CEP95: variants seen among roughly 807,000 people sequenced by gnomAD.
The protein encoded by CEP95 is centrosomal protein 95.
Under a neutral mutation model 111.2 loss-of-function variants are expected in CEP95, and 98 were observed. That is an observed-to-expected ratio of 0.88 (90% CI 0.75 to 1.04). CEP95 has a LOEUF of 1.04. Ranked by LOEUF, CEP95 falls within the 50% of genes least tolerant of loss-of-function variation. CEP95 has a pLI of 0.00. For missense variants in CEP95, 1,027 were observed against 977.2 expected, an observed-to-expected ratio of 1.05 and a Z score of -0.68; for synonymous variants, 323 against 327.1, an observed-to-expected ratio of 0.99 and a Z score of 0.14.
At position 64,533,026 on chromosome 17, in the gene CEP95, T is replaced by A. The variant is rs1272590139; in HGVS notation, c.1842+18T>A. ...AAGATGAAGTAAGTTACTGTCAGTC[T>A]TAAGCATAGGAATTTAAATGAGAAG... On this transcript the variant is annotated intron_variant, in intron 15 of 19. Transcript: ENST00000556440. 1 of 1,608,584 alleles carries A rather than the reference T, an allele frequency of 6.2e-7. No individual in the cohort carries two copies. Among genetic ancestry groups the A allele is most frequent in the Non-Finnish European group, 8.5e-7 (1 of 1,178,488 alleles).
chr17:64,531,979 G>T lies in CEP95; in HGVS notation c.1629G>T (p.Gln543His). The change falls in exon 14 of 20, where the codon CAG becomes CAT. Residue 543 changes from glutamine (Q) to histidine (H), a missense_variant. Coordinates refer to ENST00000556440, the MANE Select transcript of CEP95 (RefSeq NM_138363.3). ...TTTACTCTAGAAAAACCACAACGCAGAGTCTAAGAGGTGGCCTCCCAAAGC... is the reference window on the plus strand; with the variant it reads ...TTTACTCTAGAAAAACCACAACGCATAGTCTAAGAGGTGGCCTCCCAAAGC... ...WKIYSRKTTT[Q>H]SLRGGLPKPN... 3 of 1,608,574 alleles carry T rather than the reference G, an allele frequency of 1.9e-6. No individual in the cohort carries two copies. Among genetic ancestry groups the T allele is most frequent in the Non-Finnish European group, 2.5e-6 (3 of 1,178,554 alleles).
At chr17:64,514,150 T>C in intron 3 of CEP95, 98 bp from the exon 4 acceptor site, 3 of 554,968 alleles carry the variant, frequency 5.4e-6, no homozygotes, top group East Asian at 2.8e-5. Context: ...CCTGTATTCT[T>C]AAATAGCATT....
At chr17:64,532,478 C>T (rs1170883115) in intron 14 of CEP95, 2 of 985,284 alleles carry the variant, frequency 2.0e-6, no homozygotes, top group African/African-American at 3.5e-5. Flanking sequence ...GCTGGCCCTC[C>T]TACTCTATCC....
rs1197183412 is a variant in CEP95, at chr17:64,508,154, A to G, written c.20-438A>G. The G allele has an allele frequency of 3.0e-6, 3 of 985,316 alleles. No homozygotes were observed. The African/African-American group carries it at 5.2e-5, about 17-fold the overall frequency. 61.0% of individuals were successfully genotyped at this position (985,316 alleles called of 1,614,324 possible). On this transcript the variant is annotated intron_variant, in intron 1 of 19. Coordinates refer to ENST00000556440, the MANE Select transcript of CEP95 (RefSeq NM_138363.3). ...CCTGACTTGCACAAGATAATTGGGT[A>G]AACACAAGACCAATACTATTGCAAG...
chr17:64,529,464 C>G, intron 12 of CEP95, 37 bp downstream of exon 12: 1 of 1,604,042 alleles, frequency 6.2e-7, no homozygotes, highest in Non-Finnish European at 8.5e-7. Flanking sequence ...TAAGCAGCAG[C>G]CAGTACCATT....
intron 6 of CEP95, chr17:64,520,720 A>C (rs1279561873): frequency 6.6e-6 from 1 of 152,328 alleles, no homozygotes; most frequent in East Asian, 1.9e-4. Flanking sequence ...GGTATGAGCC[A>C]CTGCGCTTGG....
intron 5 of CEP95, among the ~76,000 whole-genome samples, chr17:64,517,761 T>C (rs1219032746): frequency 6.6e-6 from 1 of 151,246 alleles, no homozygotes. Context: ...CTTGAATTCC[T>C]GGCCTCAAGC....
Position 64,510,285 on chromosome 17 carries a change from G to GTA in CEP95, c.256+9_256+10dup. ...TCAGCTTGTCTCACATAACAGGTTG[G>GTA]TATATGTATAACTATCACATAATTA... On this transcript the variant is annotated splice_donor_region_variant and intron_variant, in intron 3 of 19. Transcript: ENST00000556440. The GTA allele has an allele frequency of 6.7e-7, 1 of 1,494,936 alleles. No homozygotes were observed. Among genetic ancestry groups the GTA allele is most frequent in the Non-Finnish European group, 9.3e-7 (1 of 1,075,286 alleles). 92.6% of individuals were successfully genotyped at this position (1,494,936 alleles called of 1,614,324 possible). A position where few individuals can be genotyped will look rare whatever the true frequency, so the allele number is the denominator to read the frequency against.
chr17:64,519,697 T>C (rs529599272), intron 6 of CEP95, among the ~76,000 whole-genome samples: 1 of 152,346 alleles, frequency 6.6e-6, no homozygotes. Context: ...AAGAGAATTA[T>C]GGATGCAGCT....
Position 64,514,511 on chromosome 17 carries a change from C to A in CEP95, c.367+153C>A, listed in dbSNP as rs2039044810. The A allele has an allele frequency of 7.8e-6, 4 of 514,770 alleles. No homozygotes were observed. The Admixed American group carries it at 1.3e-4, about 17-fold the overall frequency. The allele number at this position is 514,770 out of a possible 1,614,324, so 31.9% of individuals were successfully genotyped here. On this transcript the variant is annotated intron_variant, in intron 4 of 19. Coordinates refer to ENST00000556440, the MANE Select transcript of CEP95 (RefSeq NM_138363.3). ...TTGTAAATTTCAAATTCTTATTGTTCCAGCTGGTTGGAAACTGTCTTAGAC... is the reference window on the plus strand; with the variant it reads ...TTGTAAATTTCAAATTCTTATTGTTACAGCTGGTTGGAAACTGTCTTAGAC...
At chr17:64,507,481 C>T in intron 1 of CEP95, 1 of 1,241,132 alleles carries the variant, frequency 8.1e-7, no homozygotes, top group Non-Finnish European at 1.0e-6. Flanking sequence ...GTCGTACCTG[C>T]TTTTGTATTG....
At chr17:64,517,912 T>C (rs1966999067) in intron 5 of CEP95, among the ~76,000 whole-genome samples, 1 of 152,112 alleles carries the variant, frequency 6.6e-6, no homozygotes, top group Non-Finnish European at 1.5e-5. Flanking sequence ...TCTTGCTGTG[T>C]CACACAGGCT....
chr17:64,525,349 T>A (rs565800144), intron 8 of CEP95, among the ~76,000 whole-genome samples: 2 of 152,126 alleles, frequency 1.3e-5, no homozygotes, highest in Non-Finnish European at 2.9e-5. Context: ...TTTAAAATGT[T>A]AAGGGTTTAT....
At chr17:64,518,985 G>T (rs1184629512) in intron 5 of CEP95, among the ~76,000 whole-genome samples, 1 of 152,082 alleles carries the variant, frequency 6.6e-6, no homozygotes, top group African/African-American at 2.4e-5. Flanking sequence ...CCGGCCTGAT[G>T]AACTTCTTTC....
chr17:64,530,061 T>G (rs954294344), intron 12 of CEP95, among the ~76,000 whole-genome samples: 1 of 152,218 alleles, frequency 6.6e-6, no homozygotes, highest in Admixed American at 6.5e-5. Context: ...AAACGCATGA[T>G]GTAAAATTTC....
At chr17:64,507,278 C>T (rs1458165126) in intron 1 of CEP95, 162 bp downstream of exon 1, 9 of 1,477,862 alleles carry the variant, frequency 6.1e-6, no homozygotes, top group Non-Finnish European at 8.1e-6. Flanking sequence ...CTCAGCTTCA[C>T]CACCTCTTCG....
intron 2 of CEP95, among the ~76,000 whole-genome samples, chr17:64,509,084 G>A (rs1233975304): frequency 1.3e-5 from 2 of 152,132 alleles, no homozygotes; most frequent in African/African-American, 4.8e-5. Context: ...TACCTTCAAA[G>A]GTTGTAAAAT....
intron 3 of CEP95, among the ~76,000 whole-genome samples, chr17:64,512,765 A>G (rs2038962028): frequency 6.6e-6 from 1 of 152,154 alleles, no homozygotes; most frequent in South Asian, 2.1e-4. Context: ...TGAATGGGTA[A>G]ATCAGTTCGG....
chr17:64,516,636 C>A, intron 4 of CEP95, 87 bp from the exon 5 acceptor site: 1 of 698,072 alleles, frequency 1.4e-6, no homozygotes, highest in Non-Finnish European at 2.3e-6. Context: ...GGGTGCCTCA[C>A]TGTCCTTACC....
Sources: gnomAD v4.1 joint callset for allele counts (sites outside exome capture counted in the v4.1 genomes callset) on GRCh38, gnomAD v4.1.1 for gene constraint, MANE v1.5 for transcripts, NCBI Gene and HGNC (gene_info 2026-07-23, HGNC 2026-07-21) for gene names.